ZNF385A: variants seen among roughly 807,000 people sequenced by gnomAD.
ZNF385A encodes zinc finger protein 385A.
In ZNF385A, 14 loss-of-function variants were observed where a neutral mutation model predicts 32.1. The ratio of observed to expected loss-of-function variants is 0.44; its 90% CI spans 0.29 to 0.68. The LOEUF is 0.68. Ranked by LOEUF, ZNF385A falls within the 30% of genes least tolerant of loss-of-function variation. The probability of loss-of-function intolerance (pLI) is 0.14; values close to 1 mark genes in which losing one functional copy is unlikely to be tolerated. For synonymous variants in ZNF385A, 197 were observed against 202.7 expected (o/e 0.97, Z 0.24); for missense variants, 406 against 478.4 (o/e 0.85, Z 1.41).
intron 1 of ZNF385A, 43 bp downstream of exon 1, chr12:54,384,385 C>T (rs377426080): frequency 3.1e-5 from 48 of 1,535,520 alleles, no homozygotes; most frequent in African/African-American, 2.9e-4. Flanking sequence ...AGAGAAAGGT[C>T]GGGTCACAAG....
chr12:54,391,105 G>C, intron 1 of ZNF385A: 1 of 905,142 alleles, frequency 1.1e-6, no homozygotes, highest in Non-Finnish European at 1.6e-6. Flanking sequence ...CAGATGAAGG[G>C]GGAGGGGGAA....
rs534675454 is a variant in ZNF385A at position 54,369,411 on chromosome 12, G to C, written c.*845C>G. On this transcript the variant is annotated 3_prime_UTR_variant, in exon 7 of 7. Transcript: ENST00000394313. ...GCCATGAGGTCTAGGAACTTGGATC[G>C]GGGAGGCTACAGACTCGGCGAATCC... The C allele has an allele frequency of 6.6e-6, 1 of 151,036 alleles. No individual in the cohort carries two copies. Among genetic ancestry groups the C allele is most frequent in the South Asian group, 2.1e-4 (1 of 4,806 alleles). 9.4% of individuals were successfully genotyped at this position (151,036 alleles called of 1,614,324 possible). A position where few individuals can be genotyped will look rare whatever the true frequency, so the allele number is the denominator to read the frequency against.
At chr12:54,379,008 G>A (rs1289365976) in intron 1 of ZNF385A, 3 of 968,662 alleles carry the variant, frequency 3.1e-6, no homozygotes, top group Non-Finnish European at 3.7e-6. Context: ...GGGACGGGGT[G>A]GGGGTGCGCT....
intron 4 of ZNF385A, 137 bp from the exon 5 acceptor site, chr12:54,371,233 C>T: frequency 8.9e-7 from 1 of 1,120,896 alleles, no homozygotes; most frequent in Non-Finnish European, 1.3e-6. Flanking sequence ...TAACTAAGCT[C>T]CTTGGGACCC....
upstream of ZNF385A, chr12:54,385,919 C>A (rs1955460043): frequency 6.6e-6 from 1 of 152,112 alleles, no homozygotes; most frequent in African/African-American, 2.4e-5. Flanking sequence ...AGGGCTCAGG[C>A]ACAGCTGGGG....
chr12:54,385,701 G>A (rs916736837), upstream of ZNF385A: 1 of 985,390 alleles, frequency 1.0e-6, no homozygotes, highest in Non-Finnish European at 1.2e-6. Context: ...GCTGCCCCCA[G>A]GCAGTGGCCT....
Position 54,370,109 on chromosome 12 carries a change from C to T in ZNF385A, c.*147G>A. On this transcript the variant is annotated 3_prime_UTR_variant, in exon 7 of 7. Transcript: ENST00000394313. This position sits in a 1 kb window ranked among gnomAD's most constrained non-coding sequence, Gnocchi z 5.5. ...AAGCCCCCCTCCCCCGCTACCCCTC[C>T]CCTTTCCTGGAACCCCGTATCTCGG... 1.5e-6 allele frequency: 1 copy of T among 649,312 alleles called. No individual in the cohort carries two copies. The highest frequency in any genetic ancestry group is 3.7e-5 in the South Asian group (1 of 26,766). 40.2% of individuals were successfully genotyped at this position (649,312 alleles called of 1,614,324 possible).
intron 3 of ZNF385A, among the ~76,000 whole-genome samples, chr12:54,372,032 T>C (rs924064530): frequency 6.6e-6 from 1 of 152,174 alleles, no homozygotes; most frequent in African/African-American, 2.4e-5. Flanking sequence ...GATATACCCC[T>C]CAGTGGCCTG....
chr12:54,380,284 G>T (rs745386403), intron 1 of ZNF385A, among the ~76,000 whole-genome samples: 3 of 152,204 alleles, frequency 2.0e-5, no homozygotes, highest in Non-Finnish European at 4.4e-5. Context: ...TCTTTGCATG[G>T]ATTATCTAAT....
chr12:54,386,466 A>T (rs1267318070), upstream of ZNF385A, among the ~76,000 whole-genome samples: 1 of 152,082 alleles, frequency 6.6e-6, no homozygotes, highest in Non-Finnish European at 1.5e-5. Context: ...AGAGGGACAG[A>T]TAGATGGATG....
chr12:54,373,484 A>G (rs1592236634), intron 3 of ZNF385A, among the ~76,000 whole-genome samples: 1 of 13,146 alleles, frequency 7.6e-5, no homozygotes, highest in South Asian at 2.3e-3. Context: ...ATTTCCCAGA[A>G]AAAAAAAAAA....
rs1313246537 is a variant in ZNF385A at position 54,370,292 on chromosome 12, T to G, written c.1065A>C (p.Arg355=). The G allele has an allele frequency of 4.7e-6, 7 of 1,480,690 alleles. No homozygotes were observed. The highest frequency in any genetic ancestry group is 9.0e-7 in the Non-Finnish European group (1 of 1,115,442). The allele number at this position is 1,480,690 out of a possible 1,614,324, so 91.7% of individuals were successfully genotyped here. A position where few individuals can be genotyped will look rare whatever the true frequency, so the allele number is the denominator to read the frequency against. ...PLLHPAPGPI[R]TAHGPILFSP... ...AGAAGAGGATGGGTCCGTGCGCAGT[T>G]CGGATGGGTCCGGGGGCCGGGTGAA... The change falls in exon 7 of 7, where the codon CGA becomes CGC. Residue 355 remains arginine, a synonymous_variant. Transcript: ENST00000394313. This position sits in a 1 kb window ranked among gnomAD's most constrained non-coding sequence, Gnocchi z 5.5.
chr12:54,371,202 G>A, intron 4 of ZNF385A, 106 bp from the exon 5 acceptor site: 1 of 1,298,984 alleles, frequency 7.7e-7, no homozygotes, highest in South Asian at 1.4e-5. Context: ...GGAAGAGGGT[G>A]GGCACAGTGT....
upstream of ZNF385A, among the ~76,000 whole-genome samples, chr12:54,389,437 C>T (rs1407931854): frequency 3.9e-5 from 6 of 152,210 alleles, no homozygotes; most frequent in Non-Finnish European, 7.3e-5. Flanking sequence ...CCAGACTTCC[C>T]GCACTCTGTG....
intron 2 of ZNF385A, 100 bp downstream of exon 2, chr12:54,375,744 T>C: frequency 2.0e-6 from 2 of 1,000,050 alleles, no homozygotes; most frequent in Non-Finnish European, 3.1e-6. Context: ...TCCCTGCCCC[T>C]CAACCAGAGT....
At chr12:54,383,148 G>T (rs1324907164) in intron 1 of ZNF385A, among the ~76,000 whole-genome samples, 1 of 152,044 alleles carries the variant, frequency 6.6e-6, no homozygotes, top group Non-Finnish European at 1.5e-5. Flanking sequence ...CTGAGAGATT[G>T]AGCAAGACTA....
chr12:54,385,785 C>A, upstream of ZNF385A: 1 of 362,592 alleles, frequency 2.8e-6, no homozygotes, highest in Non-Finnish European at 3.8e-6. Context: ...CCCTCCCTTG[C>A]CAGCCCCCTC....
At chr12:54,381,654 C>A (rs1044612352) in intron 1 of ZNF385A, among the ~76,000 whole-genome samples, 1 of 152,222 alleles carries the variant, frequency 6.6e-6, no homozygotes, top group East Asian at 1.9e-4. Context: ...TCCAATCTTG[C>A]ACTTTCTCAA....
Position 54,370,857 on chromosome 12 carries a change from G to A in ZNF385A, c.774+70C>T. 1 of 1,610,396 alleles carries A rather than the reference G, an allele frequency of 6.2e-7. No homozygotes were observed. The highest frequency in any genetic ancestry group is 1.1e-5 in the South Asian group (1 of 90,918). Reference sequence around the variant, plus strand: ...ACTCTGAAGAAGGGCCTTTACTCAAGCTCCTTGCTCCCCTTCCCCACTTAG... The same window carrying A: ...ACTCTGAAGAAGGGCCTTTACTCAAACTCCTTGCTCCCCTTCCCCACTTAG... On this transcript the variant is annotated intron_variant, in intron 5 of 6. Transcript: ENST00000394313. The surrounding 1 kb of genome is among the most constrained non-coding windows in gnomAD (Gnocchi z 5.5).
Sources: allele counts gnomAD v4.1 joint callset (sites outside exome capture counted in the v4.1 genomes callset), GRCh38; gene constraint gnomAD v4.1.1; non-coding constraint Gnocchi (gnomAD v3.1); transcripts MANE v1.5; gene names NCBI Gene and HGNC (gene_info 2026-07-23, HGNC 2026-07-21).